The following CAMK1D variants were observed in gnomAD, a reference collection of about 807,000 sequenced individuals.
CAMK1D encodes the protein calcium/calmodulin dependent protein kinase ID.
CAMK1D carries 9 observed loss-of-function variants against 47.7 expected under a neutral mutation model. That is an observed-to-expected ratio of 0.19 (90% CI 0.11 to 0.33). The LOEUF is 0.33. CAMK1D is among the 10% of genes least tolerant of loss of function. The pLI, the probability that CAMK1D is intolerant of heterozygous loss-of-function variation, is 1.00. For missense variants in CAMK1D, 291 were observed against 488.7 expected (o/e 0.60, Z 3.81); for synonymous variants, 184 against 184.9 (o/e 0.99, Z 0.04).
At position 12,565,688 on chromosome 10, in the gene CAMK1D, A is replaced by G. The variant is rs539993068; in HGVS notation, c.224+12332A>G. Among the ~76,000 whole-genome samples the G allele has an allele frequency of 5.4e-4, 83 of 152,358 alleles. No individual in the cohort carries two copies. In the South Asian group the frequency reaches 0.016, roughly 30 times the overall value. On this transcript the variant is annotated intron_variant, in intron 2 of 10. Coordinates refer to ENST00000619168, the MANE Select transcript of CAMK1D (RefSeq NM_153498.4). The stretch of plus-strand genomic sequence containing the variant: ...CATTGTTTCATTTAATCGTCACCAT[A>G]AACCTGTAAAGTGGATATTATGATC...
intron 2 of CAMK1D, among the ~76,000 whole-genome samples, chr10:12,626,366 A>G (rs528719645): frequency 1.3e-5 from 2 of 152,262 alleles, no homozygotes; most frequent in African/African-American, 4.8e-5. Context: ...ACAATGAAAA[A>G]GAGTTCTTTG....
intron 1 of CAMK1D, among the ~76,000 whole-genome samples, 175 bp downstream of exon 1, chr10:12,350,085 C>T (rs1294871835): frequency 1.3e-5 from 2 of 151,918 alleles, no homozygotes; most frequent in Admixed American, 6.5e-5. Context: ...CGTGGGCCTG[C>T]GACCCCCGGG....
At position 12,752,031 on chromosome 10, in the gene CAMK1D, G is replaced by T. The variant is rs559894730; in HGVS notation, c.300-8917G>T. ...GAGTCTTGCTCTGTCACCCGGGCCG[G>T]AGTGCAATGGCGCAATCTCGGCTCA... On this transcript the variant is annotated intron_variant, in intron 3 of 10. Transcript: ENST00000619168. Among the ~76,000 whole-genome samples, 9 of 151,834 alleles carry T rather than the reference G, an allele frequency of 5.9e-5. No individual in the cohort carries two copies. The East Asian group carries it at 1.7e-3, about 29-fold the overall frequency.
chr10:12,761,271 G>T (rs559351729), intron 4 of CAMK1D, among the ~76,000 whole-genome samples, 185 bp downstream of exon 4: 1 of 152,352 alleles, frequency 6.6e-6, no homozygotes, highest in East Asian at 1.9e-4. Flanking sequence ...TATCTTGGAA[G>T]AAGATGAAGA....
intron 1 of CAMK1D, among the ~76,000 whole-genome samples, chr10:12,423,990 C>T (rs1038868509): frequency 6.6e-6 from 1 of 152,178 alleles, no homozygotes; most frequent in Non-Finnish European, 1.5e-5. Flanking sequence ...TCAGGTGATA[C>T]CCTTCAAGGC....
chr10:12,817,652 T>C (rs1490070225), intron 8 of CAMK1D, among the ~76,000 whole-genome samples: 1 of 152,308 alleles, frequency 6.6e-6, no homozygotes, highest in East Asian at 1.9e-4. Flanking sequence ...ACAGAAACCC[T>C]CTGGTCCATC....
At chr10:12,664,175 T>C (rs1445749369) in intron 2 of CAMK1D, among the ~76,000 whole-genome samples, 3 of 152,254 alleles carry the variant, frequency 2.0e-5, no homozygotes, top group South Asian at 2.1e-4. Context: ...AATTTCTTCC[T>C]GAGTTTCTCT....
chr10:12,825,430 A>G, intron 9 of CAMK1D, 143 bp from the exon 10 acceptor site: 1 of 729,966 alleles, frequency 1.4e-6, no homozygotes, highest in Non-Finnish European at 2.1e-6. Context: ...AAGGGACAAC[A>G]TAAGCTTTCC....
At chr10:12,496,937 T>C (rs1044757569) in intron 1 of CAMK1D, among the ~76,000 whole-genome samples, 7 of 152,126 alleles carry the variant, frequency 4.6e-5, no homozygotes, top group African/African-American at 1.7e-4. Flanking sequence ...TTCCTCCCTG[T>C]GTCCGTGTGT....
chr10:12,589,672 A>G (rs1229218955), intron 2 of CAMK1D, among the ~76,000 whole-genome samples: 4 of 152,114 alleles, frequency 2.6e-5, no homozygotes, highest in African/African-American at 9.7e-5. Context: ...CAGCTCCTCC[A>G]ACACAGGGAG....
chr10:12,502,358 C>G (rs551751242), intron 1 of CAMK1D, among the ~76,000 whole-genome samples: 1 of 152,266 alleles, frequency 6.6e-6, no homozygotes, highest in East Asian at 1.9e-4. Flanking sequence ...GGGAGCATTG[C>G]CAATCCTGGC....
At chr10:12,404,244 C>T (rs1839333414) in intron 1 of CAMK1D, among the ~76,000 whole-genome samples, 1 of 152,132 alleles carries the variant, frequency 6.6e-6, no homozygotes, top group Admixed American at 6.5e-5. Context: ...AGGGTTTCTC[C>T]ATATTGGTTG....
chr10:12,760,657 T>C (rs909309015), intron 3 of CAMK1D: 2 of 254,346 alleles, frequency 7.9e-6, no homozygotes, highest in Non-Finnish European at 1.5e-5. Context: ...AGGGTTTTTT[T>C]AAACTTTACA....
At chr10:12,495,827 A>G (rs972552869) in intron 1 of CAMK1D, among the ~76,000 whole-genome samples, 1 of 152,020 alleles carries the variant, frequency 6.6e-6, no homozygotes, top group African/African-American at 2.4e-5. Context: ...CTTTATATGT[A>G]TATATTTTTT....
intron 1 of CAMK1D, among the ~76,000 whole-genome samples, chr10:12,527,746 ACTT>A (rs2132212364): frequency 6.6e-6 from 1 of 152,324 alleles, no homozygotes; most frequent in South Asian, 2.1e-4. Flanking sequence ...ACCAGTGGAT[ACTT>A]CTTCAACTTT....
At chr10:12,406,938 T>A (rs1211570103) in intron 1 of CAMK1D, among the ~76,000 whole-genome samples, 2 of 152,028 alleles carry the variant, frequency 1.3e-5, no homozygotes, top group Non-Finnish European at 2.9e-5. Flanking sequence ...TAGGGTGACG[T>A]CACTGCTTCA....
At chr10:12,611,365 C>T (rs1001896106) in intron 2 of CAMK1D, among the ~76,000 whole-genome samples, 14 of 152,124 alleles carry the variant, frequency 9.2e-5, no homozygotes, top group African/African-American at 2.7e-4. Context: ...GACATTCTGA[C>T]GTTCCCGCTC....
chr10:12,767,030 A>G (rs535170760), intron 4 of CAMK1D, among the ~76,000 whole-genome samples: 10 of 152,206 alleles, frequency 6.6e-5, no homozygotes, highest in African/African-American at 2.4e-4. Flanking sequence ...CCCATCTCAG[A>G]CCCGCTGAAG....
At chr10:12,808,089 A>G (rs1233719271) in intron 6 of CAMK1D, among the ~76,000 whole-genome samples, 1 of 152,118 alleles carries the variant, frequency 6.6e-6, no homozygotes, top group African/African-American at 2.4e-5. Flanking sequence ...CCATGCTCTT[A>G]TTCCTGGGCA....
Sources: gnomAD v4.1 joint callset for allele counts (sites outside exome capture counted in the v4.1 genomes callset) on GRCh38, gnomAD v4.1.1 for gene constraint, MANE v1.5 for transcripts, NCBI Gene and HGNC (gene_info 2026-07-23, HGNC 2026-07-21) for gene names.